Variants in UGGT1 observed in about 807,000 individuals in gnomAD.
UGGT1 encodes UDP-glucose:glycoprotein glucosyltransferase 1.
UGGT1 carries 107 observed loss-of-function variants against 203.9 expected under a neutral mutation model. The observed-to-expected ratio is 0.52, with a 90% CI of 0.45 to 0.62. UGGT1 has a LOEUF of 0.62. Ranked by LOEUF, UGGT1 falls within the 20% of genes least tolerant of loss-of-function variation. The pLI, the probability that UGGT1 is intolerant of heterozygous loss-of-function variation, is 0.00. For missense variants in UGGT1, 1,673 were observed against 1,867.2 expected, an observed-to-expected ratio of 0.90 and a Z score of 1.92; for synonymous variants, 628 against 653.5, an observed-to-expected ratio of 0.96 and a Z score of 0.59.
At chr2:128,112,454 T>TTATATATA (rs59726004) in intron 5 of UGGT1, among the ~76,000 whole-genome samples, 2,042 of 55,774 alleles carry the variant, frequency 0.037, 434 homozygotes, top group East Asian at 0.063. Context: ...AAATACTATG[T>TTATATATA]TATATATATA....
intron 2 of UGGT1, among the ~76,000 whole-genome samples, chr2:128,100,689 T>G (rs1422047713): frequency 6.6e-6 from 1 of 152,064 alleles, no homozygotes; most frequent in Non-Finnish European, 1.5e-5. Flanking sequence ...CCCAAAGTGC[T>G]GGGATTACAG....
At chr2:128,112,473 T>TATATATATATA (rs1553433485) in intron 5 of UGGT1, among the ~76,000 whole-genome samples, 65 of 120,362 alleles carry the variant, frequency 5.4e-4, no homozygotes, top group Non-Finnish European at 7.4e-4. Flanking sequence ...TATATATATA[T>TATATATATATA]TACATACATA....
intron 16 of UGGT1, among the ~76,000 whole-genome samples, chr2:128,139,561 A>G (rs1163675049): frequency 6.6e-6 from 1 of 152,228 alleles, no homozygotes; most frequent in African/African-American, 2.4e-5. Context: ...GAAACAGTCC[A>G]GCACTCAGCA....
Position 128,193,995 on chromosome 2 carries a change from G to A in UGGT1, c.*4253G>A, listed in dbSNP as rs889330050. On this transcript the variant is annotated 3_prime_UTR_variant, in exon 41 of 41. Coordinates refer to ENST00000259253, the MANE Select transcript of UGGT1 (RefSeq NM_020120.4). ...TATTGCATTTCATGGGAATGGAAAT[G>A]TATTGGTAAAGCTACCTGATGGAAG... 1 of 152,242 alleles carries A rather than the reference G, an allele frequency of 6.6e-6. No individual in the cohort carries two copies. The highest frequency in any genetic ancestry group is 1.9e-4 in the East Asian group (1 of 5,204). 9.4% of individuals were successfully genotyped at this position (152,242 alleles called of 1,614,324 possible).
intron 2 of UGGT1, among the ~76,000 whole-genome samples, chr2:128,099,412 G>A (rs1414854169): frequency 6.6e-6 from 1 of 152,154 alleles, no homozygotes; most frequent in Non-Finnish European, 1.5e-5. Context: ...CCAAAGTGGT[G>A]GAATTACAGG....
At chr2:128,131,884 C>T (rs1424532262) in intron 13 of UGGT1, among the ~76,000 whole-genome samples, 1 of 152,086 alleles carries the variant, frequency 6.6e-6, no homozygotes, top group Non-Finnish European at 1.5e-5. Flanking sequence ...ACTTTGGCCT[C>T]CCAAAGTGCT....
chr2:128,110,354 A>G (rs143504237), intron 5 of UGGT1, among the ~76,000 whole-genome samples: 1 of 152,294 alleles, frequency 6.6e-6, no homozygotes, highest in East Asian at 1.9e-4. Flanking sequence ...CGGCCCTCTC[A>G]GTACTGCTAA....
chr2:128,130,522 GATA>G (rs1198640470), intron 13 of UGGT1, among the ~76,000 whole-genome samples: 1 of 152,098 alleles, frequency 6.6e-6, no homozygotes, highest in Non-Finnish European at 1.5e-5. Flanking sequence ...AAGAGTAAAA[GATA>G]ATAACATCAA....
chr2:128,145,155 C>A (rs1303804615), intron 17 of UGGT1, among the ~76,000 whole-genome samples: 1 of 152,098 alleles, frequency 6.6e-6, no homozygotes, highest in East Asian at 1.9e-4. Flanking sequence ...GGTGTAATTT[C>A]TTTGTTAGTG....
At chr2:128,164,997 A>G (rs1265616254) in intron 26 of UGGT1, among the ~76,000 whole-genome samples, 172 bp downstream of exon 26, 1 of 152,250 alleles carries the variant, frequency 6.6e-6, no homozygotes, top group Admixed American at 6.5e-5. Context: ...CATATATAAA[A>G]TTCATATGCA....
intron 8 of UGGT1, among the ~76,000 whole-genome samples, chr2:128,117,717 G>A (rs1688181462): frequency 6.6e-6 from 1 of 151,046 alleles, no homozygotes; most frequent in Non-Finnish European, 1.5e-5. Context: ...CTAATTTTTT[G>A]TATTTTTTTT....
At chr2:128,098,482 C>T (rs1339564937) in intron 2 of UGGT1, among the ~76,000 whole-genome samples, 1 of 152,090 alleles carries the variant, frequency 6.6e-6, no homozygotes, top group African/African-American at 2.4e-5. Context: ...TGGCTAGGTA[C>T]GGTGGCTCAT....
intron 25 of UGGT1, 114 bp from the exon 26 acceptor site, chr2:128,164,616 C>T (rs1176148920): frequency 1.2e-6 from 1 of 832,292 alleles, no homozygotes; most frequent in Non-Finnish European, 2.0e-6. Flanking sequence ...GGACTTTATA[C>T]CTTGTTCAAA....
At chr2:128,144,397 C>A (rs1689581040) in intron 17 of UGGT1, among the ~76,000 whole-genome samples, 1 of 152,174 alleles carries the variant, frequency 6.6e-6, no homozygotes, top group Admixed American at 6.5e-5. Context: ...GTCCAAACAC[C>A]TCCCTGTCAC....
intron 40 of UGGT1, among the ~76,000 whole-genome samples, chr2:128,188,021 CTTT>C (rs36115792): frequency 8.8e-5 from 11 of 124,558 alleles, no homozygotes; most frequent in Non-Finnish European, 1.0e-4. Flanking sequence ...GTTGAAGAAA[CTTT>C]TTTTTTTTTT....
chr2:128,104,826 T>C (rs1687528844), intron 3 of UGGT1, among the ~76,000 whole-genome samples: 1 of 152,004 alleles, frequency 6.6e-6, no homozygotes, highest in Non-Finnish European at 1.5e-5. Flanking sequence ...TTTGTATTTT[T>C]AGTAGAGATG....
At chr2:128,173,989 G>T (rs1457744307) in intron 30 of UGGT1, 50 bp downstream of exon 30, 2 of 1,588,404 alleles carry the variant, frequency 1.3e-6, no homozygotes, top group Non-Finnish European at 1.7e-6. Context: ...GTTAATTTGG[G>T]CACTATAATT....
intron 20 of UGGT1, 63 bp downstream of exon 20, chr2:128,155,650 T>G: frequency 3.9e-6 from 5 of 1,268,666 alleles, no homozygotes; most frequent in Non-Finnish European, 5.6e-6. Context: ...TGCATATTCA[T>G]CTTAATGTGC....
intron 2 of UGGT1, chr2:128,103,091 G>A (rs552944323): frequency 2.1e-6 from 1 of 471,148 alleles, no homozygotes; most frequent in Non-Finnish European, 4.4e-6. Context: ...GTGGAGTAGA[G>A]TGAGATTGTA....
Sources: gnomAD v4.1 joint callset for allele counts (sites outside exome capture counted in the v4.1 genomes callset) on GRCh38, gnomAD v4.1.1 for gene constraint, MANE v1.5 for transcripts, NCBI Gene and HGNC (gene_info 2026-07-23, HGNC 2026-07-21) for gene names.